Variants in SV2B observed in about 807,000 individuals in gnomAD.
SV2B encodes synaptic vesicle glycoprotein 2B.
SV2B carries 41 observed loss-of-function variants against 73.9 expected under a neutral mutation model. The observed-to-expected ratio is 0.56, with a 90% CI of 0.43 to 0.72. The LOEUF (loss-of-function observed/expected upper bound fraction) is 0.72. Ranked by LOEUF, SV2B falls within the 30% of genes least tolerant of loss-of-function variation. SV2B has a pLI of 0.00. For missense variants in SV2B, 764 were observed against 857.8 expected (o/e 0.89, Z 1.37); for synonymous variants, 314 against 314.2 (o/e 1.00, Z 0.01).
intron 1 of SV2B, among the ~76,000 whole-genome samples, chr15:91,179,797 A>T (rs2044475198): frequency 6.6e-6 from 1 of 152,046 alleles, no homozygotes; most frequent in Non-Finnish European, 1.5e-5. Flanking sequence ...TCTGCCCGTG[A>T]GCTGGGTTTC....
chr15:91,170,946 C>T (rs1473614526), intron 1 of SV2B, among the ~76,000 whole-genome samples: 1 of 152,068 alleles, frequency 6.6e-6, no homozygotes, highest in Non-Finnish European at 1.5e-5. Context: ...TATTACATCC[C>T]CTCTTCATTG....
chr15:91,176,034 C>T (rs1047337475), intron 1 of SV2B, among the ~76,000 whole-genome samples: 1 of 148,244 alleles, frequency 6.7e-6, no homozygotes, highest in Admixed American at 6.8e-5. Flanking sequence ...TGCTATCCCT[C>T]CCCCTTCCCC....
rs1322401448 is a variant in SV2B, at chr15:91,136,713, G to C, written c.-392+36350G>C. 3.3e-5 allele frequency among the ~76,000 whole-genome samples: 5 copies of C among 152,164 alleles called. No individual in the cohort carries two copies. ...GATCTGTCTCTTGGGAGCGGGAATG[G>C]GGTGGCTTCCTTCCCTCAGGGAGGA... On this transcript the variant is annotated intron_variant, in intron 1 of 12. Transcript: ENST00000394232. The surrounding 1 kb of genome is among the most constrained non-coding windows in gnomAD (Gnocchi z 5.6).
intron 1 of SV2B, chr15:91,102,397 G>C (rs1278072250): frequency 1.3e-5 from 2 of 152,110 alleles, no homozygotes; most frequent in African/African-American, 2.4e-5. Context: ...ACAGTAATAG[G>C]ATTCTTATAA....
intron 1 of SV2B, among the ~76,000 whole-genome samples, chr15:91,182,951 A>C (rs2028020): frequency 0.36 from 54,416 of 152,038 alleles, 10,210 homozygotes; most frequent in East Asian, 0.71. Context: ...CCCTCTTCAT[A>C]TTCACAGCCT....
At chr15:91,126,492 A>T (rs1223347529) in intron 1 of SV2B, among the ~76,000 whole-genome samples, 1 of 152,206 alleles carries the variant, frequency 6.6e-6, no homozygotes, top group Non-Finnish European at 1.5e-5. Flanking sequence ...CTTTGGCTTG[A>T]TTTAGGGTAA....
intron 1 of SV2B, among the ~76,000 whole-genome samples, chr15:91,195,333 A>T (rs1367025862): frequency 3.3e-5 from 5 of 151,888 alleles, no homozygotes; most frequent in Admixed American, 6.6e-5. Flanking sequence ...AATTTTTTGT[A>T]ACTGTTTGTA....
intron 1 of SV2B, among the ~76,000 whole-genome samples, chr15:91,138,367 T>G (rs1338282516): frequency 1.4e-4 from 21 of 152,220 alleles, no homozygotes; most frequent in Admixed American, 1.4e-3. Context: ...TAAATTTAAA[T>G]AGCCACATGT....
At chr15:91,163,154 A>G (rs1373379127) in intron 1 of SV2B, among the ~76,000 whole-genome samples, 4 of 152,126 alleles carry the variant, frequency 2.6e-5, no homozygotes, top group African/African-American at 4.8e-5. Flanking sequence ...TTCTTAATCC[A>G]TTCTATCATT....
chr15:91,160,232 A>G (rs1364992802), intron 1 of SV2B, among the ~76,000 whole-genome samples: 1 of 152,228 alleles, frequency 6.6e-6, no homozygotes, highest in African/African-American at 2.4e-5. Context: ...TTTAAATTTC[A>G]TATCAGATAA....
At chr15:91,149,417 G>T (rs1233281084) in intron 1 of SV2B, among the ~76,000 whole-genome samples, 1 of 152,196 alleles carries the variant, frequency 6.6e-6, no homozygotes, top group Non-Finnish European at 1.5e-5. Context: ...TTAAGAGCTG[G>T]TGATTGATTC....
chr15:91,142,793 C>T (rs1247441077), intron 1 of SV2B, among the ~76,000 whole-genome samples: 1 of 152,232 alleles, frequency 6.6e-6, no homozygotes, highest in Non-Finnish European at 1.5e-5. Context: ...TTCTTAATCA[C>T]TTATACTTCT....
chr15:91,251,305 C>T (rs941111833), intron 2 of SV2B, among the ~76,000 whole-genome samples: 12 of 152,234 alleles, frequency 7.9e-5, no homozygotes, highest in African/African-American at 2.9e-4. Context: ...TACTACATTT[C>T]CTTAAGGCTA....
chr15:91,284,354 A>C lies in SV2B; in HGVS notation c.1708+133A>C, dbSNP rs1391841618. The C allele has an allele frequency of 1.0e-6, 1 of 958,732 alleles. No individual in the cohort carries two copies. Among genetic ancestry groups the C allele is most frequent in the African/African-American group, 1.6e-5 (1 of 61,058 alleles). The allele number at this position is 958,732 out of a possible 1,614,324, so 59.4% of individuals were successfully genotyped here. A position where few individuals can be genotyped will look rare whatever the true frequency, so the allele number is the denominator to read the frequency against. ...AAACCCAACAAGTAAGATTGCACCC[A>C]GGGCTATAGAGCCAAGGATGTGTGC... On this transcript the variant is annotated intron_variant, in intron 11 of 12. Transcript: ENST00000394232. This position sits in a 1 kb window ranked among gnomAD's most constrained non-coding sequence, Gnocchi z 4.5.
At chr15:91,155,457 T>G (rs943424649) in intron 1 of SV2B, among the ~76,000 whole-genome samples, 1 of 152,190 alleles carries the variant, frequency 6.6e-6, no homozygotes, top group Non-Finnish European at 1.5e-5. Context: ...TTATTCAATG[T>G]TTACCTAGAT....
intron 6 of SV2B, among the ~76,000 whole-genome samples, chr15:91,262,866 G>A (rs543065526): frequency 6.6e-6 from 1 of 152,310 alleles, no homozygotes; most frequent in East Asian, 1.9e-4. Flanking sequence ...ACATTGGTGA[G>A]GCTTCTGGGT....
intron 1 of SV2B, among the ~76,000 whole-genome samples, chr15:91,219,323 A>G (rs181752334): frequency 6.6e-6 from 1 of 152,236 alleles, no homozygotes; most frequent in East Asian, 1.9e-4. Context: ...CCTTCCTTTC[A>G]GCAGTAATCC....
chr15:91,260,839 A>G (rs938065814), intron 6 of SV2B, among the ~76,000 whole-genome samples: 6 of 152,260 alleles, frequency 3.9e-5, no homozygotes, highest in African/African-American at 2.4e-5. Flanking sequence ...TTGCAAAAGC[A>G]GAAACCCCTG....
Position 91,268,740 on chromosome 15 carries a change from C to A in SV2B, c.1373+135C>A. 3 of 1,162,110 alleles carry A rather than the reference C, an allele frequency of 2.6e-6. No homozygotes were observed. Among genetic ancestry groups the A allele is most frequent in the Non-Finnish European group, 3.5e-6 (3 of 846,098 alleles). 72.0% of individuals were successfully genotyped at this position (1,162,110 alleles called of 1,614,324 possible). On this transcript the variant is annotated intron_variant, in intron 9 of 12. Transcript: ENST00000394232. The surrounding 1 kb of genome is among the most constrained non-coding windows in gnomAD (Gnocchi z 4.4). The stretch of plus-strand genomic sequence containing the variant: ...CCAAGGCTGGTGTCATCATCACAAC[C>A]TGTCATGGCTGCCAGTGACGCCATA...
Sources: gnomAD v4.1 joint callset for allele counts (sites outside exome capture counted in the v4.1 genomes callset) on GRCh38, gnomAD v4.1.1 for gene constraint, Gnocchi (gnomAD v3.1) non-coding constraint, MANE v1.5 for transcripts, NCBI Gene and HGNC (gene_info 2026-07-23, HGNC 2026-07-21) for gene names.